PDCD6IP: variants seen among roughly 807,000 people sequenced by gnomAD.
PDCD6IP encodes the protein programmed cell death 6-interacting protein.
Under a neutral mutation model 103.7 loss-of-function variants are expected in PDCD6IP, and 43 were observed. The ratio of observed to expected loss-of-function variants is 0.41; its 90% confidence interval spans 0.32 to 0.53. The LOEUF is 0.53. Among genes scored for constraint, PDCD6IP ranks in the 20% least tolerant of loss-of-function variants. The pLI is 0.16. For synonymous variants in PDCD6IP, 354 were observed against 378.7 expected, an observed-to-expected ratio of 0.93 and a Z score of 0.76; for missense variants, 871 against 1,036.7, an observed-to-expected ratio of 0.84 and a Z score of 2.20.
In PDCD6IP at chr3:33,836,030, G is replaced by C; in HGVS notation, c.835-14G>C. 7.3e-7 allele frequency: 1 copy of C among 1,363,674 alleles called. No individual in the cohort carries two copies. The highest frequency in any genetic ancestry group is 1.0e-6 in the Non-Finnish European group (1 of 984,448). The allele number at this position is 1,363,674 out of a possible 1,614,324, so 84.5% of individuals were successfully genotyped here. A position where few individuals can be genotyped will look rare whatever the true frequency, so the allele number is the denominator to read the frequency against. ...CCTCTTTTTTTTTTTTGTTGTTGAC[G>C]TTTTTCTTTTTAGCATGCAGCAGAA... On this transcript the variant is annotated splice_polypyrimidine_tract_variant and intron_variant, in intron 7 of 17. Coordinates refer to ENST00000307296, the MANE Select transcript of PDCD6IP (RefSeq NM_013374.6).
chr3:33,816,612 T>C (rs1286057099), intron 3 of PDCD6IP, among the ~76,000 whole-genome samples: 1 of 150,420 alleles, frequency 6.6e-6, no homozygotes, highest in Non-Finnish European at 1.5e-5. Flanking sequence ...AGAACTCAAG[T>C]CATGTAAGGT....
chr3:33,852,728 A>C lies in PDCD6IP; in HGVS notation c.1882A>C (p.Asn628His). 1.3e-6 allele frequency: 2 copies of C among 1,582,344 alleles called. No individual in the cohort carries two copies. Among genetic ancestry groups the C allele is most frequent in the Non-Finnish European group, 8.5e-7 (1 of 1,170,672 alleles). The change falls in exon 13 of 18, where the codon AAT (asparagine) becomes CAT (histidine). Residue 628 changes from asparagine to histidine, a missense_variant. Physicochemically the swap from Asn to His is moderately conservative, Grantham distance 68 (BLOSUM62 1). Coordinates refer to ENST00000307296, the MANE Select transcript of PDCD6IP (RefSeq NM_013374.6). ...SLKKQEGLLK[N>H]IQVSHQEFSK... Reference sequence around the variant, plus strand: ...AAAGAAACAGGAGGGACTTCTTAAAAATATTCAGGTGAAATTTATATATTT... The same window carrying C: ...AAAGAAACAGGAGGGACTTCTTAAACATATTCAGGTGAAATTTATATATTT...
chr3:33,839,587 G>C (rs1310101233), intron 9 of PDCD6IP, among the ~76,000 whole-genome samples: 1 of 152,134 alleles, frequency 6.6e-6, no homozygotes, highest in African/African-American at 2.4e-5. Context: ...ATAAATCTTC[G>C]TGTGGACATA....
In PDCD6IP at chr3:33,798,675, C is replaced by G. The variant is rs1225765257; in HGVS notation, c.-54C>G. On this transcript the variant is annotated 5_prime_UTR_variant, in exon 1 of 18. Transcript: ENST00000307296. ...AGCCCAGTACCTCTCTCTCCTCGGC[C>G]CTCGTAAGCTGTCCGCGGTCTGTTT... 1 of 1,441,012 alleles carries G rather than the reference C, an allele frequency of 6.9e-7. No individual in the cohort carries two copies. The highest frequency in any genetic ancestry group is 9.3e-7 in the Non-Finnish European group (1 of 1,071,612). The allele number at this position is 1,441,012 out of a possible 1,614,324, so 89.3% of individuals were successfully genotyped here.
chr3:33,853,113 C>T (rs549032276), intron 13 of PDCD6IP, among the ~76,000 whole-genome samples: 19 of 152,072 alleles, frequency 1.2e-4, no homozygotes, highest in African/African-American at 4.3e-4. Flanking sequence ...TTAGTAGAGA[C>T]GGGGTTTCAC....
intron 1 of PDCD6IP, among the ~76,000 whole-genome samples, chr3:33,800,785 G>C (rs1219349753): frequency 6.6e-6 from 1 of 152,180 alleles, no homozygotes; most frequent in Non-Finnish European, 1.5e-5. Flanking sequence ...TAAAAATCTT[G>C]TTGAATATAT....
At chr3:33,826,620 G>T (rs757386720) in intron 6 of PDCD6IP, 40 bp downstream of exon 6, 3 of 1,606,308 alleles carry the variant, frequency 1.9e-6, no homozygotes, top group Admixed American at 3.4e-5. Context: ...TACTTTGCAT[G>T]TGAAATATTT....
chr3:33,825,157 C>T, intron 4 of PDCD6IP, 30 bp from the exon 5 acceptor site: 2 of 1,590,940 alleles, frequency 1.3e-6, no homozygotes, highest in Middle Eastern at 1.7e-4. Flanking sequence ...TGCTGAGTTC[C>T]TATAAAGAAA....
At chr3:33,835,207 T>C (rs770074978) in intron 7 of PDCD6IP, 2 of 456,526 alleles carry the variant, frequency 4.4e-6, no homozygotes, top group South Asian at 3.1e-5. Context: ...TTCTTATTGA[T>C]GTTGACATGT....
intron 12 of PDCD6IP, among the ~76,000 whole-genome samples, chr3:33,847,561 C>T (rs936194086): frequency 6.6e-6 from 1 of 152,058 alleles, no homozygotes; most frequent in Non-Finnish European, 1.5e-5. Context: ...GATAAAAACT[C>T]AGTTTTTTGA....
At position 33,867,694 on chromosome 3, in the gene PDCD6IP, A is replaced by G. The variant is rs908526090; in HGVS notation, c.*1169A>G. On this transcript the variant is annotated 3_prime_UTR_variant, in exon 18 of 18. Transcript: ENST00000307296. ...AAACCTCAGTAAAAATAGTGAAGACATGCATCATGGAATGAGAAAATGAGA... is the reference window on the plus strand; with the variant it reads ...AAACCTCAGTAAAAATAGTGAAGACGTGCATCATGGAATGAGAAAATGAGA... 2.0e-5 allele frequency: 3 copies of G among 152,240 alleles called. No homozygotes were observed. Among genetic ancestry groups the G allele is most frequent in the African/African-American group, 7.2e-5 (3 of 41,474 alleles). 9.4% of individuals were successfully genotyped at this position (152,240 alleles called of 1,614,324 possible).
chr3:33,803,112 C>A (rs1018972529), intron 1 of PDCD6IP, among the ~76,000 whole-genome samples: 2 of 152,122 alleles, frequency 1.3e-5, no homozygotes, highest in African/African-American at 4.8e-5. Flanking sequence ...TGTTCATGTA[C>A]ATCTTTTACA....
intron 7 of PDCD6IP, among the ~76,000 whole-genome samples, chr3:33,830,922 A>G (rs1575921709): frequency 6.6e-6 from 1 of 152,334 alleles, no homozygotes; most frequent in Non-Finnish European, 1.5e-5. Context: ...AGGAGGTCAC[A>G]CTATTAAACC....
intron 7 of PDCD6IP, among the ~76,000 whole-genome samples, chr3:33,830,856 C>T (rs368992820): frequency 7.9e-5 from 12 of 152,286 alleles, no homozygotes; most frequent in Admixed American, 2.0e-4. Flanking sequence ...AAACCATATT[C>T]GCTGTAGTTT....
At chr3:33,863,875 A>G (rs1253966974) in intron 15 of PDCD6IP, 131 bp from the exon 16 acceptor site, 31 of 663,540 alleles carry the variant, frequency 4.7e-5, no homozygotes, top group Middle Eastern at 2.9e-4. Context: ...GAAATGTAGT[A>G]TATTTTAAAA....
chr3:33,858,429 T>C (rs945478419), intron 15 of PDCD6IP, among the ~76,000 whole-genome samples: 4 of 152,180 alleles, frequency 2.6e-5, no homozygotes, highest in Non-Finnish European at 5.9e-5. Flanking sequence ...TAGGTTGTAG[T>C]GCGCTATGAT....
chr3:33,846,301 TTGTC>T (rs759129828), intron 12 of PDCD6IP, among the ~76,000 whole-genome samples: 2 of 152,016 alleles, frequency 1.3e-5, no homozygotes, highest in African/African-American at 2.4e-5. Context: ...TGTTCCTTAT[TTGTC>T]TTTCCATAGA....
chr3:33,825,396 T>A, intron 5 of PDCD6IP, 56 bp downstream of exon 5: 1 of 1,406,200 alleles, frequency 7.1e-7, no homozygotes. Context: ...GGCTTTTAAA[T>A]TAAGAAAGTG....
chr3:33,847,901 A>G (rs939044432), intron 12 of PDCD6IP, among the ~76,000 whole-genome samples: 1 of 152,154 alleles, frequency 6.6e-6, no homozygotes, highest in Non-Finnish European at 1.5e-5. Flanking sequence ...AGGAAGGAAC[A>G]TGTATTTTTT....
Sources: allele counts gnomAD v4.1 joint callset (sites outside exome capture counted in the v4.1 genomes callset), GRCh38; gene constraint gnomAD v4.1.1; transcripts MANE v1.5; gene names NCBI Gene and HGNC (gene_info 2026-07-23, HGNC 2026-07-21).